RPS6KC1: variants seen among roughly 807,000 people sequenced by gnomAD.
RPS6KC1 encodes inactive ribosomal protein S6 kinase delta-1.
A neutral mutation model predicts 103.8 loss-of-function variants in RPS6KC1; 54 were observed. That is an observed-to-expected ratio of 0.52 (90% confidence interval 0.42 to 0.65). RPS6KC1 has a LOEUF of 0.65. Ranked by LOEUF, RPS6KC1 falls within the 30% of genes least tolerant of loss-of-function variation. RPS6KC1 has a pLI of 0.00. For missense variants in RPS6KC1, 1,151 were observed against 1,253.8 expected (o/e 0.92, Z 1.24); for synonymous variants, 439 against 438.7 (o/e 1.00, Z -0.01).
the RPS6KC1 span, chr1:213,817,891 C>A: frequency 6.6e-6 from 1 of 152,016 alleles, no homozygotes; most frequent in Non-Finnish European, 1.5e-5. Context: ...CTTCTTGTCT[C>A]TGGGTCATAT....
chr1:213,493,563 T>C, the RPS6KC1 span, among the ~76,000 whole-genome samples: 10 of 152,216 alleles, frequency 6.6e-5, no homozygotes, highest in African/African-American at 2.4e-4. Context: ...GGGAAAATGA[T>C]AGGAACGTAC....
the RPS6KC1 span, among the ~76,000 whole-genome samples, chr1:213,705,923 G>T: frequency 7.2e-5 from 11 of 152,312 alleles, no homozygotes; most frequent in South Asian, 2.3e-3. Flanking sequence ...AACTCTTACT[G>T]TACCTATGTT....
At chr1:213,119,808 A>G (rs1242133959) in intron 5 of RPS6KC1, among the ~76,000 whole-genome samples, 2 of 152,082 alleles carry the variant, frequency 1.3e-5, no homozygotes, top group Non-Finnish European at 2.9e-5. Flanking sequence ...ATTCTAAAAT[A>G]CTGATGCTGT....
the RPS6KC1 span, among the ~76,000 whole-genome samples, chr1:213,624,325 T>C: frequency 2.0e-5 from 3 of 152,220 alleles, no homozygotes; most frequent in Non-Finnish European, 4.4e-5. Flanking sequence ...GAAATGTATG[T>C]ATGCAATGAT....
At chr1:213,466,462 G>A in the RPS6KC1 span, among the ~76,000 whole-genome samples, 1 of 152,168 alleles carries the variant, frequency 6.6e-6, no homozygotes, top group Non-Finnish European at 1.5e-5. Context: ...GGAATGAAAT[G>A]CTTACCAGTC....
chr1:213,730,028 G>A, the RPS6KC1 span, among the ~76,000 whole-genome samples: 2 of 152,170 alleles, frequency 1.3e-5, no homozygotes, highest in Admixed American at 6.5e-5. Flanking sequence ...TGCTGTGTTC[G>A]ATTTTCTCTT....
the RPS6KC1 span, among the ~76,000 whole-genome samples, chr1:213,621,218 C>T: frequency 8.1e-4 from 124 of 152,204 alleles, 1 homozygote; most frequent in Non-Finnish European, 1.4e-3. Flanking sequence ...CAGATGCAGC[C>T]GATTGATTAA....
At chr1:213,102,195 G>GCC (rs1344894927) in intron 3 of RPS6KC1, among the ~76,000 whole-genome samples, 1 of 152,204 alleles carries the variant, frequency 6.6e-6, no homozygotes, top group Non-Finnish European at 1.5e-5. Flanking sequence ...AAAAGATTTG[G>GCC]AGGTAGCCTC....
chr1:213,664,193 G>A, the RPS6KC1 span, among the ~76,000 whole-genome samples: 9 of 80,334 alleles, frequency 1.1e-4, no homozygotes, highest in East Asian at 3.5e-4. Flanking sequence ...AGAAATGAGC[G>A]GGGGGGCGGG....
At chr1:213,356,847 G>A in the RPS6KC1 span, among the ~76,000 whole-genome samples, 3 of 152,142 alleles carry the variant, frequency 2.0e-5, no homozygotes, top group Admixed American at 2.0e-4. Context: ...CCTGCCTGGG[G>A]AAGAGGTTCT....
At chr1:213,690,508 A>C in the RPS6KC1 span, among the ~76,000 whole-genome samples, 1 of 152,272 alleles carries the variant, frequency 6.6e-6, no homozygotes, top group Non-Finnish European at 1.5e-5. Flanking sequence ...CACCAAGTTT[A>C]CTGACTGGCC....
intron 8 of RPS6KC1, among the ~76,000 whole-genome samples, chr1:213,216,344 A>T (rs1412730883): frequency 6.6e-6 from 1 of 152,208 alleles, no homozygotes; most frequent in Non-Finnish European, 1.5e-5. Context: ...ATATGCACCC[A>T]ATACAGGAGC....
the RPS6KC1 span, among the ~76,000 whole-genome samples, chr1:213,677,945 G>T: frequency 6.6e-6 from 1 of 151,896 alleles, no homozygotes; most frequent in African/African-American, 2.4e-5. Context: ...GGCAGAGGTT[G>T]CAGTGAGCCA....
chr1:213,205,547 G>GATATATATATATATATATATATATATAT (rs764745657), intron 8 of RPS6KC1, among the ~76,000 whole-genome samples: 4 of 102,472 alleles, frequency 3.9e-5, no homozygotes, highest in African/African-American at 1.1e-4. Flanking sequence ...TATATATATA[G>GATATATATATATATATATATATATATAT]ATATATATAT....
chr1:213,176,391 T>C lies in RPS6KC1; in HGVS notation c.952-9T>C. 1 of 1,584,874 alleles carries C rather than the reference T, an allele frequency of 6.3e-7. No homozygotes were observed. Among genetic ancestry groups the C allele is most frequent in the Non-Finnish European group, 8.6e-7 (1 of 1,158,252 alleles). ...TGATTGATGTATAATCTTTGATATC[T>C]TCCATTAGCCTCCAGGATCACTAAG... is the stretch of plus-strand genomic sequence containing the variant. On this transcript the variant is annotated splice_polypyrimidine_tract_variant and intron_variant, in intron 7 of 14. Transcript: ENST00000366960.
chr1:213,414,017 G>A, the RPS6KC1 span, among the ~76,000 whole-genome samples: 1 of 152,090 alleles, frequency 6.6e-6, no homozygotes, highest in African/African-American at 2.4e-5. Flanking sequence ...CTTACCCAGG[G>A]GTCTTCACTT....
the RPS6KC1 span, among the ~76,000 whole-genome samples, chr1:213,516,673 A>T: frequency 6.6e-6 from 1 of 152,080 alleles, no homozygotes; most frequent in African/African-American, 2.4e-5. Flanking sequence ...TTCATCAGGG[A>T]TATTGGTCTA....
the RPS6KC1 span, among the ~76,000 whole-genome samples, chr1:213,860,684 G>A: frequency 6.6e-6 from 1 of 152,178 alleles, no homozygotes; most frequent in Non-Finnish European, 1.5e-5. Context: ...GTGATGTTTA[G>A]GCTAATTGGA....
chr1:213,427,763 C>T, the RPS6KC1 span, among the ~76,000 whole-genome samples: 5 of 152,286 alleles, frequency 3.3e-5, no homozygotes, highest in African/African-American at 9.6e-5. Context: ...CAAATGTTCT[C>T]GTGTTAGCTA....
Sources: allele counts gnomAD v4.1 joint callset (sites outside exome capture counted in the v4.1 genomes callset), GRCh38; gene constraint gnomAD v4.1.1; transcripts MANE v1.5; gene names NCBI Gene and HGNC (gene_info 2026-07-23, HGNC 2026-07-21).